KIAA0825: variants seen among roughly 807,000 people sequenced by gnomAD.
The protein encoded by KIAA0825 is KIAA0825.
A neutral mutation model predicts 147.6 loss-of-function variants in KIAA0825; 119 were observed. The ratio of observed to expected loss-of-function variants is 0.81; its 90% CI spans 0.69 to 0.94. The LOEUF (loss-of-function observed/expected upper bound fraction) is 0.94, where lower values mean the gene tolerates loss of function less well. Among genes scored for constraint, KIAA0825 ranks in the 40% least tolerant of loss-of-function variants. The probability of loss-of-function intolerance (pLI) is 0.00; values close to 1 mark genes in which losing one functional copy is unlikely to be tolerated. For missense variants in KIAA0825, 1,381 were observed against 1,472.7 expected, an observed-to-expected ratio of 0.94 and a Z score of 1.02; for synonymous variants, 470 against 518.1, an observed-to-expected ratio of 0.91 and a Z score of 1.26.
At chr5:94,244,956 TTAGTATTTG>T in intron 20 of KIAA0825, among the ~76,000 whole-genome samples, 1 of 152,326 alleles carries the variant, frequency 6.6e-6, no homozygotes, top group Admixed American at 6.5e-5. Context: ...ATACTGAATC[TTAGTATTTG>T]TAAACACAAC....
chr5:94,602,634 T>G (rs1204178302), intron 1 of KIAA0825, among the ~76,000 whole-genome samples: 1 of 152,152 alleles, frequency 6.6e-6, no homozygotes, highest in Non-Finnish European at 1.5e-5. Flanking sequence ...CGGGCTTCCC[T>G]CTTCACTTGG....
At chr5:94,618,262 T>C (rs983763441) in intron 1 of KIAA0825, 11 of 152,202 alleles carry the variant, frequency 7.2e-5, no homozygotes, top group African/African-American at 2.7e-4. Context: ...CCAGGGACAC[T>C]TGGTGACCCG....
chr5:94,165,788 G>T (rs566439696), intron 20 of KIAA0825, among the ~76,000 whole-genome samples: 1 of 152,114 alleles, frequency 6.6e-6, no homozygotes, highest in South Asian at 2.1e-4. Context: ...CTTATTTGTG[G>T]TATCTAAAAA....
chr5:94,301,017 A>T (rs549793842), intron 20 of KIAA0825, among the ~76,000 whole-genome samples: 1 of 152,188 alleles, frequency 6.6e-6, no homozygotes, highest in Non-Finnish European at 1.5e-5. Flanking sequence ...TAGGAAATTC[A>T]TAGGAAACAC....
intron 20 of KIAA0825, among the ~76,000 whole-genome samples, chr5:94,175,205 T>G (rs1163101330): frequency 6.6e-6 from 1 of 152,152 alleles, no homozygotes; most frequent in Non-Finnish European, 1.5e-5. Flanking sequence ...GCTCACCCAT[T>G]ATCTCTCATA....
intron 2 of KIAA0825, among the ~76,000 whole-genome samples, chr5:94,565,240 G>GT (rs1554047170): frequency 6.8e-6 from 1 of 147,300 alleles, no homozygotes; most frequent in Non-Finnish European, 1.5e-5. Context: ...GTCTCTCCCT[G>GT]TTTTTTTGCA....
Position 94,470,057 on chromosome 5 carries a change from C to T in KIAA0825, c.1776G>A (p.Gln592=). 6.4e-7 allele frequency: 1 copy of T among 1,551,626 alleles called. No homozygotes were observed. The highest frequency in any genetic ancestry group is 8.7e-7 in the Non-Finnish European group (1 of 1,146,932). ...TGACGCAGTAGTTCGTAACCTGAAA[C>T]TGTAGAGTGTTGATGAATTCCTGAT... ...QRYQEFINTL[Q]FQVTNYCVRV... Residue 592 remains glutamine (Q), a synonymous_variant, in exon 10 of 21, where the codon CAG becomes CAA. Transcript: ENST00000682413.
chr5:94,160,331 C>T (rs1767432595), intron 20 of KIAA0825, among the ~76,000 whole-genome samples: 1 of 151,344 alleles, frequency 6.6e-6, no homozygotes, highest in Non-Finnish European at 1.5e-5. Context: ...GCCATTTTTA[C>T]TCACACTCCA....
intron 18 of KIAA0825, among the ~76,000 whole-genome samples, chr5:94,389,514 G>A (rs1466372853): frequency 2.0e-5 from 3 of 152,150 alleles, no homozygotes; most frequent in African/African-American, 7.2e-5. Context: ...CAAAGACAAA[G>A]CATCTTTAAC....
intron 12 of KIAA0825, among the ~76,000 whole-genome samples, chr5:94,457,888 A>T (rs1759319386): frequency 6.6e-6 from 1 of 152,200 alleles, no homozygotes; most frequent in Non-Finnish European, 1.5e-5. Flanking sequence ...TGTAAGCTCT[A>T]TGTGAATGGA....
At chr5:94,378,786 T>G (rs1436899995) in intron 20 of KIAA0825, among the ~76,000 whole-genome samples, 3 of 152,260 alleles carry the variant, frequency 2.0e-5, no homozygotes, top group Non-Finnish European at 4.4e-5. Flanking sequence ...GACTTTTTAT[T>G]AGTAGCCATT....
intron 1 of KIAA0825, among the ~76,000 whole-genome samples, chr5:94,613,113 C>A (rs188875882): frequency 1.3e-5 from 2 of 152,256 alleles, no homozygotes; most frequent in African/African-American, 4.8e-5. Flanking sequence ...ATGACATTGT[C>A]TCGTTTTGAA....
intron 20 of KIAA0825, among the ~76,000 whole-genome samples, chr5:94,363,305 T>C (rs1428903168): frequency 6.6e-6 from 1 of 152,210 alleles, no homozygotes; most frequent in African/African-American, 2.4e-5. Flanking sequence ...ATTATCTCTT[T>C]GTGGGTTTAG....
chr5:94,255,900 G>A (rs993161803), intron 20 of KIAA0825, among the ~76,000 whole-genome samples: 1 of 151,414 alleles, frequency 6.6e-6, no homozygotes, highest in South Asian at 2.1e-4. Flanking sequence ...TTTTTATAGA[G>A]ACGAGGTCTC....
chr5:94,378,825 T>A (rs1747963173), intron 20 of KIAA0825, among the ~76,000 whole-genome samples: 1 of 152,258 alleles, frequency 6.6e-6, no homozygotes, highest in South Asian at 2.1e-4. Flanking sequence ...TATCTCATTG[T>A]GGCTTTGATT....
At chr5:94,207,336 A>G (rs1772300011) in intron 20 of KIAA0825, among the ~76,000 whole-genome samples, 3 of 152,186 alleles carry the variant, frequency 2.0e-5, no homozygotes, top group Non-Finnish European at 2.9e-5. Context: ...GTAAGTTTAC[A>G]TATCACCTTC....
intron 20 of KIAA0825, among the ~76,000 whole-genome samples, chr5:94,292,263 T>C (rs1251775047): frequency 6.6e-6 from 1 of 152,180 alleles, no homozygotes; most frequent in African/African-American, 2.4e-5. Context: ...ATAGCTCTAA[T>C]TATTTTGAGA....
At chr5:94,588,742 T>C (rs1783792517) in intron 1 of KIAA0825, among the ~76,000 whole-genome samples, 1 of 152,224 alleles carries the variant, frequency 6.6e-6, no homozygotes, top group Non-Finnish European at 1.5e-5. Flanking sequence ...TGCACACATA[T>C]GTTTACTGTG....
intron 16 of KIAA0825, among the ~76,000 whole-genome samples, chr5:94,401,318 A>G (rs1348166013): frequency 1.3e-5 from 2 of 152,062 alleles, no homozygotes; most frequent in Non-Finnish European, 2.9e-5. Context: ...TATTAAGAAT[A>G]GAAACAAGTG....
Sources: gnomAD v4.1 joint callset for allele counts (sites outside exome capture counted in the v4.1 genomes callset) on GRCh38, gnomAD v4.1.1 for gene constraint, MANE v1.5 for transcripts, NCBI Gene and HGNC (gene_info 2026-07-23, HGNC 2026-07-21) for gene names.